The following COQ8A variants were observed in gnomAD, a reference collection of about 807,000 sequenced individuals.
COQ8A encodes the protein atypical kinase COQ8A, mitochondrial.
In COQ8A, 51 loss-of-function variants were observed where a neutral mutation model predicts 65.0. The ratio of observed to expected loss-of-function variants is 0.78; its 90% CI spans 0.63 to 0.99. The LOEUF (loss-of-function observed/expected upper bound fraction) is 0.99. Ranked by LOEUF, COQ8A falls within the 50% of genes least tolerant of loss-of-function variation. COQ8A has a pLI of 0.00. For missense variants in COQ8A, 940 were observed against 875.0 expected (o/e 1.07, Z -0.94); for synonymous variants, 371 against 353.2 (o/e 1.05, Z -0.57).
Position 226,986,723 on chromosome 1 carries a change from C to T in COQ8A, c.1930C>T (p.Gln644Ter), listed in dbSNP as rs1005704437. 1 of 1,613,320 alleles carries T rather than the reference C, an allele frequency of 6.2e-7. No individual in the cohort carries two copies. The highest frequency in any genetic ancestry group is 8.5e-7 in the Non-Finnish European group (1 of 1,180,016). ...EEAYSNYCKR[Q>*]AQQ ...GGCCTACAGCAACTACTGCAAGAGG[C>T]AGGCCCAGCAGTAGGGCTGCGGGCC... The change falls in exon 15 of 15, where the codon CAG becomes TAG. Residue 644 changes from glutamine (Q) to a stop codon, truncating the protein, a stop_gained. Transcript: ENST00000366777. LOFTEE classifies it high-confidence loss of function.
Position 226,982,184 on chromosome 1 carries a change from C to T in COQ8A, c.853+35C>T, listed in dbSNP as rs760259373. The T allele has an allele frequency of 5.2e-5, 81 of 1,548,696 alleles. 3 individuals carry two copies. The highest frequency in any genetic ancestry group is 4.7e-4 in the South Asian group (40 of 84,316). The stretch of plus-strand genomic sequence containing the variant: ...CGCGGGGGCTGCTGCCCCGGGACTG[C>T]GTGGGCTGCTGGGGGGGTCAACTTC... On this transcript the variant is annotated intron_variant, in intron 6 of 14. Coordinates refer to ENST00000366777, the MANE Select transcript of COQ8A (RefSeq NM_020247.5).
At chr1:226,980,862 C>T (rs1239683920) in intron 5 of COQ8A, among the ~76,000 whole-genome samples, 1 of 152,238 alleles carries the variant, frequency 6.6e-6, no homozygotes, top group Non-Finnish European at 1.5e-5. Flanking sequence ...CCGCCCCACC[C>T]TGGTTTCTCA....
chr1:226,981,890 A>G, intron 5 of COQ8A, 137 bp from the exon 6 acceptor site: 4 of 1,311,288 alleles, frequency 3.1e-6, no homozygotes, highest in Non-Finnish European at 4.3e-6. Flanking sequence ...ATGGAACAGT[A>G]GTTAGTTATG....
At chr1:226,971,201 A>C (rs1459225569) in intron 4 of COQ8A, among the ~76,000 whole-genome samples, 1 of 151,812 alleles carries the variant, frequency 6.6e-6, no homozygotes, top group Non-Finnish European at 1.5e-5. Flanking sequence ...TCTGCCTCCC[A>C]AAGTGCTGGG....
intron 14 of COQ8A, 102 bp downstream of exon 14, chr1:226,985,442 C>A (rs1226138928): frequency 2.2e-6 from 3 of 1,371,000 alleles, no homozygotes; most frequent in East Asian, 2.3e-5. Flanking sequence ...CTCAAGGGGC[C>A]CCCAGAGCCC....
intron 12 of COQ8A, 75 bp downstream of exon 12, chr1:226,984,730 G>GC: frequency 6.6e-7 from 1 of 1,523,078 alleles, no homozygotes. Context: ...GCCCTGGACT[G>GC]CCCCTTGTCC....
intron 1 of COQ8A, among the ~76,000 whole-genome samples, chr1:226,953,593 G>T (rs1375134664): frequency 6.6e-6 from 1 of 152,186 alleles, no homozygotes; most frequent in Non-Finnish European, 1.5e-5. Context: ...CTGGGCTCCC[G>T]CTGTGAAGGT....
chr1:226,983,153 G>A, intron 8 of COQ8A, 119 bp downstream of exon 8: 1 of 1,405,450 alleles, frequency 7.1e-7, no homozygotes, highest in Non-Finnish European at 9.5e-7. Flanking sequence ...TCCTGGCAGG[G>A]CCATATGTGG....
intron 1 of COQ8A, among the ~76,000 whole-genome samples, chr1:226,947,207 G>A (rs1181728418): frequency 6.6e-6 from 1 of 152,208 alleles, no homozygotes; most frequent in Non-Finnish European, 1.5e-5. Flanking sequence ...ATTTGGGGCA[G>A]TGTTCTTCTC....
intron 13 of COQ8A, 106 bp from the exon 14 acceptor site, chr1:226,985,148 G>A (rs1660006684): frequency 1.5e-6 from 2 of 1,327,528 alleles, no homozygotes; most frequent in Admixed American, 3.4e-5. Context: ...CCTGTGCAGG[G>A]AGAGGATGAG....
chr1:226,966,915 G>C (rs933607980), intron 4 of COQ8A, among the ~76,000 whole-genome samples: 2 of 152,182 alleles, frequency 1.3e-5, no homozygotes, highest in Non-Finnish European at 2.9e-5. Context: ...CCAAGGTGCT[G>C]AGCAGACTTG....
At chr1:226,950,790 G>T (rs533895761) in intron 1 of COQ8A, among the ~76,000 whole-genome samples, 1 of 152,274 alleles carries the variant, frequency 6.6e-6, no homozygotes, top group African/African-American at 2.4e-5. Context: ...AGCAGTATGG[G>T]ATTCAGTGCC....
chr1:226,941,678 G>T (rs1656705221), intron 1 of COQ8A, among the ~76,000 whole-genome samples: 1 of 151,978 alleles, frequency 6.6e-6, no homozygotes. Context: ...AGGAGGCTGA[G>T]GTGGGAGAAT....
intron 7 of COQ8A, 24 bp downstream of exon 7, chr1:226,982,787 ACT>A (rs967637711): frequency 2.1e-5 from 34 of 1,612,988 alleles, no homozygotes; most frequent in Non-Finnish European, 2.9e-5. Flanking sequence ...GGCTCTGCCC[ACT>A]CTCTGTGGCC....
rs77275096 is a variant in COQ8A at position 226,985,912 on chromosome 1, G to C, written c.1660-541G>C. Among the ~76,000 whole-genome samples, 205 of 152,254 alleles carry C rather than the reference G, an allele frequency of 1.3e-3. 4 individuals are homozygous for C. In the East Asian group the frequency reaches 0.033, roughly 24 times the overall value. On this transcript the variant is annotated intron_variant, in intron 14 of 14. Transcript: ENST00000366777. Reference sequence around the variant, plus strand: ...AGCTGTAAGCGCTCAGCGGGCAGCAGCTCTCTCCCGCCTCTTCCTTATGGC... The same window carrying C: ...AGCTGTAAGCGCTCAGCGGGCAGCACCTCTCTCCCGCCTCTTCCTTATGGC...
intron 4 of COQ8A, among the ~76,000 whole-genome samples, chr1:226,968,089 T>C (rs141213874): frequency 6.6e-6 from 1 of 152,304 alleles, no homozygotes; most frequent in African/African-American, 2.4e-5. Flanking sequence ...CTCAGCACTT[T>C]GGGAGGCCGA....
intron 5 of COQ8A, among the ~76,000 whole-genome samples, chr1:226,981,306 T>C (rs753272267): frequency 1.3e-5 from 2 of 152,224 alleles, no homozygotes; most frequent in Non-Finnish European, 1.5e-5. Flanking sequence ...ACACGCCTGC[T>C]GGCAGTTGAC....
chr1:226,978,268 A>T lies in COQ8A; in HGVS notation c.730+745A>T, dbSNP rs534488059. 4.9e-4 allele frequency among the ~76,000 whole-genome samples: 51 copies of T among 103,090 alleles called. No individual in the cohort carries two copies. In the South Asian group the frequency reaches 0.014, roughly 29 times the overall value. The allele number at this position is 103,090 out of a possible 152,430, so 67.6% of individuals were successfully genotyped here. A position where few individuals can be genotyped will look rare whatever the true frequency, so the allele number is the denominator to read the frequency against. On this transcript the variant is annotated intron_variant, in intron 5 of 14. Transcript: ENST00000366777. ...ACCTGCTTACACAGCCTCCGCACCC[A>T]CTGAACACCCGCACACCTCCTTACA...
At position 226,956,642 on chromosome 1, in the gene COQ8A, G is replaced by C. The variant is rs1458724614; in HGVS notation, c.-9-4735G>C. Among the ~76,000 whole-genome samples the C allele has an allele frequency of 2.5e-5, 2 of 79,604 alleles. 1 individual carries two copies. The highest frequency in any genetic ancestry group is 9.2e-4 in the East Asian group (2 of 2,182). 52.2% of individuals were successfully genotyped at this position (79,604 alleles called of 152,430 possible). On this transcript the variant is annotated intron_variant, in intron 1 of 14. Transcript: ENST00000366777. ...CTCTCCCTGGTTCACACTCTCCCTG[G>C]CTGCCACTCTCCCTGGCTGCCACTC...
Sources: gnomAD v4.1 joint callset for allele counts (sites outside exome capture counted in the v4.1 genomes callset) on GRCh38, gnomAD v4.1.1 for gene constraint, MANE v1.5 for transcripts, NCBI Gene and HGNC (gene_info 2026-07-23, HGNC 2026-07-21) for gene names.